The following EPHA6 variants were observed in gnomAD, a reference collection of about 807,000 sequenced individuals.
EPHA6 encodes the protein EPH receptor A6.
Under a neutral mutation model 112.0 loss-of-function variants are expected in EPHA6, and 50 were observed. That is an observed-to-expected ratio of 0.45 (90% CI 0.36 to 0.56). The LOEUF is 0.56. Among genes scored for constraint, EPHA6 ranks in the 20% least tolerant of loss-of-function variants. EPHA6 has a pLI of 0.00. For synonymous variants in EPHA6, 529 were observed against 490.7 expected, an observed-to-expected ratio of 1.08 and a Z score of -1.03; for missense variants, 1,280 against 1,417.4, an observed-to-expected ratio of 0.90 and a Z score of 1.56.
chr3:96,932,381 A>G (rs189925773), intron 2 of EPHA6, among the ~76,000 whole-genome samples: 2 of 152,332 alleles, frequency 1.3e-5, no homozygotes, highest in East Asian at 3.9e-4. Flanking sequence ...TTCAAAATAA[A>G]TATTTTAAAA....
At chr3:97,495,404 A>T (rs1490991278) in intron 10 of EPHA6, among the ~76,000 whole-genome samples, 1 of 151,696 alleles carries the variant, frequency 6.6e-6, no homozygotes, top group African/African-American at 2.4e-5. Flanking sequence ...TTCTAGAAAT[A>T]TATACTAGAA....
chr3:97,164,707 T>A (rs781373943), intron 3 of EPHA6, among the ~76,000 whole-genome samples: 21 of 152,060 alleles, frequency 1.4e-4, no homozygotes, highest in Non-Finnish European at 2.6e-4. Context: ...CAAATGATAT[T>A]TTGGGAGACA....
intron 4 of EPHA6, among the ~76,000 whole-genome samples, chr3:97,242,912 C>G (rs1038469584): frequency 2.6e-5 from 4 of 151,724 alleles, no homozygotes; most frequent in Non-Finnish European, 5.9e-5. Context: ...AGTATAGCCT[C>G]TCACAGCATA....
chr3:97,593,273 A>G lies in EPHA6; in HGVS notation c.2512+536A>G, dbSNP rs1256020730. On this transcript the variant is annotated intron_variant, in intron 12 of 17. Coordinates refer to ENST00000389672, the MANE Select transcript of EPHA6 (RefSeq NM_001080448.3). ...GCCAATCTGACCAAAGCCATATTTT[A>G]TTGAGAGAAACAAAATATAGGATAT... Among the ~76,000 whole-genome samples the G allele has an allele frequency of 1.3e-5, 2 of 152,224 alleles. 1 individual carries two copies. The highest frequency in any genetic ancestry group is 1.3e-4 in the Admixed American group (2 of 15,282).
intron 6 of EPHA6, among the ~76,000 whole-genome samples, chr3:97,418,554 C>T (rs1188097449): frequency 6.6e-6 from 1 of 152,034 alleles, no homozygotes; most frequent in African/African-American, 2.4e-5. Flanking sequence ...AAATAGTACC[C>T]TCACATTTTT....
intron 10 of EPHA6, among the ~76,000 whole-genome samples, chr3:97,528,138 CT>C (rs1319875088): frequency 3.9e-5 from 6 of 152,104 alleles, no homozygotes; most frequent in African/African-American, 1.4e-4. Flanking sequence ...GCACAATGAC[CT>C]TGCCTTTGTC....
intron 2 of EPHA6, among the ~76,000 whole-genome samples, chr3:96,983,772 A>C (rs1337717025): frequency 6.6e-6 from 1 of 152,264 alleles, no homozygotes; most frequent in African/African-American, 2.4e-5. Flanking sequence ...TGTTTTCTCT[A>C]AACTTCTCTT....
At chr3:97,173,079 G>T (rs2076743490) in intron 3 of EPHA6, among the ~76,000 whole-genome samples, 1 of 151,750 alleles carries the variant, frequency 6.6e-6, no homozygotes, top group South Asian at 2.1e-4. Flanking sequence ...CATATACTGT[G>T]TAAATATATT....
chr3:97,047,607 G>T (rs2045557170), intron 3 of EPHA6, among the ~76,000 whole-genome samples: 1 of 151,458 alleles, frequency 6.6e-6, no homozygotes. Flanking sequence ...CTGGAAATAG[G>T]AAAACTTTGT....
intron 2 of EPHA6, among the ~76,000 whole-genome samples, chr3:96,912,329 A>G (rs961366915): frequency 1.3e-5 from 2 of 152,134 alleles, no homozygotes; most frequent in Non-Finnish European, 2.9e-5. Flanking sequence ...TAAGTCAGGA[A>G]CTAATTGCCA....
intron 3 of EPHA6, among the ~76,000 whole-genome samples, chr3:97,214,496 A>G (rs570314789): frequency 7.1e-4 from 107 of 151,504 alleles, no homozygotes; most frequent in African/African-American, 2.4e-3. Flanking sequence ...AAAAAAAAAA[A>G]AAAGAAAAGA....
chr3:97,435,023 C>T (rs982457051), intron 6 of EPHA6, among the ~76,000 whole-genome samples: 5 of 152,034 alleles, frequency 3.3e-5, no homozygotes, highest in Admixed American at 3.3e-4. Flanking sequence ...TACAGAGCTC[C>T]AAGACAAAAG....
At chr3:97,536,565 G>A (rs1470211838) in intron 11 of EPHA6, among the ~76,000 whole-genome samples, 1 of 152,080 alleles carries the variant, frequency 6.6e-6, no homozygotes, top group African/African-American at 2.4e-5. Flanking sequence ...AAAGTGCTGC[G>A]CTTGCTCAAA....
chr3:96,999,296 G>A (rs1349014245), intron 3 of EPHA6, among the ~76,000 whole-genome samples: 2 of 151,748 alleles, frequency 1.3e-5, no homozygotes, highest in Admixed American at 6.6e-5. Context: ...AAATTTAAGG[G>A]GCCTAATAAA....
In EPHA6 at chr3:97,281,539, AT is replaced by A. The variant is rs968634961; in HGVS notation, c.1606+37257del. ...AGAGTCTCTCACTGTGATTCCAATC[AT>A]TTTTACACTAAACCACAGAAAATTG... is the stretch of plus-strand genomic sequence containing the variant. On this transcript the variant is annotated intron_variant, in intron 5 of 17. Transcript: ENST00000389672. Among the ~76,000 whole-genome samples the A allele has an allele frequency of 3.9e-5, 6 of 152,130 alleles. No individual in the cohort carries two copies. The South Asian group carries it at 6.2e-4, about 16-fold the overall frequency.
At position 97,418,296 on chromosome 3, in the gene EPHA6, GAAAAC is replaced by G. The variant is rs1001405415; in HGVS notation, c.1731+13024_1731+13028del. ...ATACTGGACTTCATTCTAAGAAAAA[GAAAAC>G]AGAACAGAGAGCATACAATACTTAT... On this transcript the variant is annotated intron_variant, in intron 6 of 17. Transcript: ENST00000389672. Among the ~76,000 whole-genome samples the G allele has an allele frequency of 6.6e-5, 10 of 151,814 alleles. No individual in the cohort carries two copies. The South Asian group carries it at 2.1e-3, about 32-fold the overall frequency.
At chr3:96,966,878 G>T (rs1437524079) in intron 2 of EPHA6, among the ~76,000 whole-genome samples, 1 of 151,804 alleles carries the variant, frequency 6.6e-6, no homozygotes, top group Non-Finnish European at 1.5e-5. Flanking sequence ...AATATTTACT[G>T]TGTTAAGTAT....
In EPHA6 at chr3:97,300,057, T is replaced by G. The variant is rs550875075; in HGVS notation, c.1606+55770T>G. On this transcript the variant is annotated intron_variant, in intron 5 of 17. Transcript: ENST00000389672. ...GTTCAAAGGAATATCTCAAATCAGA[T>G]GAAATCTCAAGAGTTGAAATTAAGG... 2.0e-5 allele frequency among the ~76,000 whole-genome samples: 3 copies of G among 152,304 alleles called. No individual in the cohort carries two copies. In the South Asian group the frequency reaches 6.2e-4, roughly 32 times the overall value.
intron 3 of EPHA6, among the ~76,000 whole-genome samples, chr3:97,031,412 A>C (rs1486970727): frequency 2.6e-5 from 4 of 152,150 alleles, no homozygotes; most frequent in Non-Finnish European, 5.9e-5. Flanking sequence ...TAAAACACCA[A>C]AAGCAATGGC....
Sources: allele counts gnomAD v4.1 joint callset (sites outside exome capture counted in the v4.1 genomes callset), GRCh38; gene constraint gnomAD v4.1.1; transcripts MANE v1.5; gene names NCBI Gene and HGNC (gene_info 2026-07-23, HGNC 2026-07-21).